Variants in ZBTB38 observed in about 807,000 individuals in gnomAD.
ZBTB38 encodes zinc finger and BTB domain containing 38.
Under a neutral mutation model 76.8 loss-of-function variants are expected in ZBTB38, and 20 were observed. That is an observed-to-expected ratio of 0.26 (90% CI 0.18 to 0.38). ZBTB38 has a LOEUF of 0.38. Among genes scored for constraint, ZBTB38 ranks in the 10% least tolerant of loss-of-function variants. The pLI is 1.00. For missense variants in ZBTB38, 1,082 were observed against 1,482.3 expected (o/e 0.73, Z 4.43); for synonymous variants, 504 against 544.2 (o/e 0.93, Z 1.03).
intron 1 of ZBTB38, among the ~76,000 whole-genome samples, chr3:141,359,237 T>C (rs910214318): frequency 6.6e-6 from 1 of 152,246 alleles, no homozygotes; most frequent in African/African-American, 2.4e-5. Flanking sequence ...TGTTGGAAGA[T>C]GCTGCTGCTC....
intron 5 of ZBTB38, among the ~76,000 whole-genome samples, chr3:141,440,351 G>T (rs2079847610): frequency 6.6e-6 from 1 of 152,144 alleles, no homozygotes; most frequent in Admixed American, 6.5e-5. Flanking sequence ...TACAATAAAA[G>T]AATTTATCAA....
At chr3:141,417,846 C>G (rs2074424588) in intron 5 of ZBTB38, among the ~76,000 whole-genome samples, 2 of 152,056 alleles carry the variant, frequency 1.3e-5, no homozygotes, top group African/African-American at 4.8e-5. Flanking sequence ...GAAACCCCAT[C>G]TCTACTAAAA....
chr3:141,425,487 C>A (rs1209653686), intron 5 of ZBTB38, among the ~76,000 whole-genome samples: 1 of 152,226 alleles, frequency 6.6e-6, no homozygotes, highest in Non-Finnish European at 1.5e-5. Context: ...CCAGGGCCAC[C>A]TGGTGGTCCC....
chr3:141,427,314 G>A (rs1458676792), intron 5 of ZBTB38, among the ~76,000 whole-genome samples: 1 of 152,160 alleles, frequency 6.6e-6, no homozygotes, highest in Non-Finnish European at 1.5e-5. Flanking sequence ...ATCATAATAA[G>A]TACTATGAAG....
chr3:141,340,663 C>G (rs369949412), intron 1 of ZBTB38, among the ~76,000 whole-genome samples: 4 of 151,832 alleles, frequency 2.6e-5, no homozygotes, highest in African/African-American at 7.3e-5. Context: ...TTTGGGAGGC[C>G]GAGGCAGGCG....
chr3:141,355,954 A>G (rs1943648279), intron 1 of ZBTB38, among the ~76,000 whole-genome samples: 1 of 152,156 alleles, frequency 6.6e-6, no homozygotes, highest in African/African-American at 2.4e-5. Context: ...CAAAGCTAAG[A>G]AGAAATTCCC....
At chr3:141,326,956 G>T (rs959582448) in intron 1 of ZBTB38, among the ~76,000 whole-genome samples, 4 of 152,264 alleles carry the variant, frequency 2.6e-5, no homozygotes, top group Middle Eastern at 3.4e-3. Flanking sequence ...GCTTCGAAGG[G>T]GACCTCCATG....
At position 141,445,959 on chromosome 3, in the gene ZBTB38, G is replaced by T; in HGVS notation, c.3571G>T (p.Glu1191Ter). The change falls in exon 6 of 6, where the codon GAA (glutamate) becomes TAA (stop). Residue 1191 changes from glutamate to a stop codon, truncating the protein, a stop_gained. Transcript: ENST00000321464. LOFTEE classifies it high-confidence loss of function. This position sits in a 1 kb window ranked among gnomAD's most constrained non-coding sequence, Gnocchi z 6.5. ...AAAGGATAACATACAAACCGGTGTG[G>T]AAAATGTTGTCCTTTGAGTGGCAAG... ...DQKDNIQTGV[E>*]NVVL 6.3e-7 allele frequency: 1 copy of T among 1,582,164 alleles called. No individual in the cohort carries two copies. The highest frequency in any genetic ancestry group is 8.6e-7 in the Non-Finnish European group (1 of 1,168,516).
chr3:141,418,418 C>T (rs929847475), intron 5 of ZBTB38, among the ~76,000 whole-genome samples: 1 of 152,208 alleles, frequency 6.6e-6, no homozygotes, highest in African/African-American at 2.4e-5. Flanking sequence ...AGCGAGCCCC[C>T]CCTCCCTTGC....
At chr3:141,360,056 T>G (rs985920591) in intron 1 of ZBTB38, among the ~76,000 whole-genome samples, 1 of 152,188 alleles carries the variant, frequency 6.6e-6, no homozygotes, top group African/African-American at 2.4e-5. Context: ...GTGCCCATAA[T>G]AATAAATACA....
chr3:141,358,675 T>G (rs1943733322), intron 1 of ZBTB38, among the ~76,000 whole-genome samples: 1 of 152,074 alleles, frequency 6.6e-6, no homozygotes, highest in Non-Finnish European at 1.5e-5. Flanking sequence ...TTTAGGAAAT[T>G]TTCATCACTT....
chr3:141,426,314 CAA>C (rs763402195), intron 5 of ZBTB38: 85 of 662,076 alleles, frequency 1.3e-4, no homozygotes, highest in Non-Finnish European at 1.8e-4. Context: ...TCATTGATCT[CAA>C]ATTCTTTTTG....
At chr3:141,356,595 C>T (rs1943671267) in intron 1 of ZBTB38, among the ~76,000 whole-genome samples, 1 of 152,136 alleles carries the variant, frequency 6.6e-6, no homozygotes, top group African/African-American at 2.4e-5. Flanking sequence ...AAATACCAAT[C>T]AAGGGAAGCC....
intron 4 of ZBTB38, chr3:141,388,000 T>C (rs1009557709): frequency 6.6e-5 from 10 of 152,242 alleles, no homozygotes; most frequent in African/African-American, 9.6e-5. Context: ...ACAGCTGTAA[T>C]CTTTTGGGGG....
chr3:141,408,668 A>C (rs1409466369), intron 5 of ZBTB38, among the ~76,000 whole-genome samples: 1 of 152,246 alleles, frequency 6.6e-6, no homozygotes, highest in Non-Finnish European at 1.5e-5. Flanking sequence ...TAGATATGGA[A>C]AGTATAAAAC....
At chr3:141,421,109 C>CA (rs2075260153) in intron 5 of ZBTB38, among the ~76,000 whole-genome samples, 1 of 151,902 alleles carries the variant, frequency 6.6e-6, no homozygotes, top group African/African-American at 2.4e-5. Flanking sequence ...CATATACTCT[C>CA]AATCCTCCCA....
At chr3:141,341,769 C>G (rs933906447) in intron 1 of ZBTB38, among the ~76,000 whole-genome samples, 40 of 152,206 alleles carry the variant, frequency 2.6e-4, no homozygotes, top group African/African-American at 9.4e-4. Flanking sequence ...CCACCAAACA[C>G]AGTGGACATC....
At chr3:141,372,884 A>C (rs1005054552) in intron 2 of ZBTB38, among the ~76,000 whole-genome samples, 8 of 152,192 alleles carry the variant, frequency 5.3e-5, no homozygotes, top group African/African-American at 1.9e-4. Context: ...CAGCTTGCTA[A>C]TTTCAACTAC....
chr3:141,443,158 C>T lies in ZBTB38; in HGVS notation c.770C>T (p.Ala257Val). 6.2e-7 allele frequency: 1 copy of T among 1,614,190 alleles called. No homozygotes were observed. The highest frequency in any genetic ancestry group is 8.5e-7 in the Non-Finnish European group (1 of 1,180,034). Residue 257 changes from alanine (A) to valine (V), a missense_variant, in exon 6 of 6, where the codon GCA (alanine) becomes GTA (valine). This residue lies in a region of ZBTB38 where 324 missense variants were observed against 359.1 expected (regional missense o/e 0.90). Coordinates refer to ENST00000321464, the MANE Select transcript of ZBTB38 (RefSeq NM_001376113.1). This position sits in a 1 kb window ranked among gnomAD's most constrained non-coding sequence, Gnocchi z 5.6. ...GGGAAAGAAAATTGTGAAGCCCTTG[C>T]AGCGAAACCGAAAACATGCCGGAAG... ...NTGKENCEAL[A>V]AKPKTCRKPK... is the part of the protein sequence containing the mutation.
Sources: gnomAD v4.1 joint callset for allele counts (sites outside exome capture counted in the v4.1 genomes callset) on GRCh38, gnomAD v4.1.1 for gene constraint, gnomAD v4.1.1 regional missense constraint, Gnocchi (gnomAD v3.1) non-coding constraint, MANE v1.5 for transcripts, NCBI Gene and HGNC (gene_info 2026-07-23, HGNC 2026-07-21) for gene names.